CMTM4: variants seen among roughly 807,000 people sequenced by gnomAD.
The protein encoded by CMTM4 is CKLF-like MARVEL transmembrane domain-containing protein 4.
Under a neutral mutation model 19.0 loss-of-function variants are expected in CMTM4, and 8 were observed. The ratio of observed to expected loss-of-function variants is 0.42; its 90% confidence interval spans 0.25 to 0.76. The LOEUF is 0.76. CMTM4 is among the 30% of genes least tolerant of loss of function. The pLI, the probability that CMTM4 is intolerant of heterozygous loss-of-function variation, is 0.27. For synonymous variants in CMTM4, 106 were observed against 121.1 expected, an observed-to-expected ratio of 0.88 and a Z score of 0.82; for missense variants, 228 against 290.2, an observed-to-expected ratio of 0.79 and a Z score of 1.56.
Position 66,687,138 on chromosome 16 carries a change from C to CTT in CMTM4, c.186+9200_186+9201dup, listed in dbSNP as rs35098269. Among the ~76,000 whole-genome samples, 615 of 131,286 alleles carry CTT rather than the reference C, an allele frequency of 4.7e-3. 4 individuals are homozygous for CTT. The highest frequency in any genetic ancestry group is 0.014 in the African/African-American group (497 of 34,680). 86.1% of individuals were successfully genotyped at this position (131,286 alleles called of 152,430 possible). ...TAAGCACCCACTATTGTGCAGAATG[C>CTT]TTTTTTTTTTTTTTTTTTTACAGAA... On this transcript the variant is annotated intron_variant, in intron 1 of 3. Transcript: ENST00000394106.
rs1163528443 is a variant in CMTM4, at chr16:66,696,593, G to GGCCGCCGCATCGCC, written c.-82_-69dup. On this transcript the variant is annotated 5_prime_UTR_variant, in exon 1 of 4. The change creates a new upstream start codon in the 5' untranslated region. Coordinates refer to ENST00000394106, the MANE Select transcript of CMTM4 (RefSeq NM_181521.3). The surrounding 1 kb of genome is among the most constrained non-coding windows in gnomAD (Gnocchi z 4.3). ...CGCCAGGAGCGGGCGGACTCAGCGG[G>GGCCGCCGCATCGCC]GCCGCCGCATCGCCGCCGCCGCCGC... The GGCCGCCGCATCGCC allele has an allele frequency of 1.0e-6, 1 of 996,028 alleles. No individual in the cohort carries two copies. Among genetic ancestry groups the GGCCGCCGCATCGCC allele is most frequent in the Non-Finnish European group, 1.2e-6 (1 of 823,644 alleles). 61.7% of individuals were successfully genotyped at this position (996,028 alleles called of 1,614,324 possible).
chr16:66,629,574 G>A (rs1290915454), intron 2 of CMTM4, among the ~76,000 whole-genome samples: 1 of 152,146 alleles, frequency 6.6e-6, no homozygotes, highest in African/African-American at 2.4e-5. Context: ...AGCATCTTTT[G>A]TTATTCATAA....
intron 1 of CMTM4, among the ~76,000 whole-genome samples, chr16:66,651,173 T>C (rs2016303174): frequency 6.6e-6 from 1 of 152,118 alleles, no homozygotes; most frequent in Non-Finnish European, 1.5e-5. Flanking sequence ...CCAGCTCCTC[T>C]CTTAGCAACC....
rs995039506 is a variant in CMTM4 at position 66,621,841 on chromosome 16, G to A, written c.*217C>T. On this transcript the variant is annotated 3_prime_UTR_variant, in exon 4 of 4. Coordinates refer to ENST00000394106, the MANE Select transcript of CMTM4 (RefSeq NM_181521.3). ...TCAAGTGGACCTGGGCAGTGACGCCGGCTGCTCCACAGCCCCAAACGCTGA... is the reference window on the plus strand; with the variant it reads ...TCAAGTGGACCTGGGCAGTGACGCCAGCTGCTCCACAGCCCCAAACGCTGA... 2.2e-4 allele frequency: 304 copies of A among 1,389,240 alleles called. 3 individuals carry two copies. The East Asian group carries it at 6.4e-3, about 29-fold the overall frequency. The allele number at this position is 1,389,240 out of a possible 1,614,324, so 86.1% of individuals were successfully genotyped here.
At chr16:66,642,321 AC>A (rs1206067349) in intron 1 of CMTM4, among the ~76,000 whole-genome samples, 1 of 152,226 alleles carries the variant, frequency 6.6e-6, no homozygotes, top group African/African-American at 2.4e-5. Flanking sequence ...ATAAGAAAAA[AC>A]TTTTTTGTTT....
intron 1 of CMTM4, among the ~76,000 whole-genome samples, chr16:66,647,795 C>T (rs1188957517): frequency 6.6e-6 from 1 of 151,294 alleles, no homozygotes; most frequent in African/African-American, 2.4e-5. Context: ...CTCAGCCTCC[C>T]GAGTAGCTGG....
At chr16:66,675,401 A>T (rs866146058) in intron 1 of CMTM4, among the ~76,000 whole-genome samples, 1 of 149,354 alleles carries the variant, frequency 6.7e-6, no homozygotes, top group African/African-American at 2.5e-5. Flanking sequence ...TTTAACAAAA[A>T]TTTTTTCCTT....
Position 66,616,266 on chromosome 16 carries a change from T to C in CMTM4, c.*5792A>G, listed in dbSNP as rs771620428. On this transcript the variant is annotated 3_prime_UTR_variant, in exon 4 of 4. Transcript: ENST00000394106. ...TGAAGTGATTATTTGCCTTAAAATA[T>C]ACAAAGAATTGCCTACTTTGAAAAA... The C allele has an allele frequency of 6.6e-6, 1 of 152,206 alleles. No individual in the cohort carries two copies. The highest frequency in any genetic ancestry group is 1.5e-5 in the Non-Finnish European group (1 of 68,026). The allele number at this position is 152,206 out of a possible 1,614,324, so 9.4% of individuals were successfully genotyped here. A position where few individuals can be genotyped will look rare whatever the true frequency, so the allele number is the denominator to read the frequency against.
intron 1 of CMTM4, among the ~76,000 whole-genome samples, chr16:66,637,425 T>C (rs2016015395): frequency 6.6e-6 from 1 of 151,974 alleles, no homozygotes; most frequent in Admixed American, 6.6e-5. Context: ...ATGCTTGTAA[T>C]CCCAGCTACT....
intron 1 of CMTM4, among the ~76,000 whole-genome samples, chr16:66,688,780 A>C (rs2017082942): frequency 6.6e-6 from 1 of 152,172 alleles, no homozygotes; most frequent in Non-Finnish European, 1.5e-5. Flanking sequence ...TGAACACAGA[A>C]TGCCTGTCTA....
At position 66,636,429 on chromosome 16, in the gene CMTM4, G is replaced by C; in HGVS notation, c.339C>G (p.Ile113Met). ...IMFSLNLHMR[I>M]PQINWNLTDL... ...CTGTCAGATTCCAGTTGATCTGGGG[G>C]ATCCTCATGTGCAGGTTGAGACTGA... Residue 113 changes from isoleucine (I) to methionine (M), a missense_variant, in exon 2 of 4, where the codon ATC becomes ATG. Ile to Met is a conservative substitution (Grantham distance 10, BLOSUM62 1). Around this residue, in one of 3 missense-constraint regions of CMTM4, gnomAD observed 200 missense variants for 226.6 expected, o/e 0.88. Transcript: ENST00000394106. The C allele has an allele frequency of 6.2e-7, 1 of 1,614,100 alleles. No individual in the cohort carries two copies.
chr16:66,622,739 C>T lies in CMTM4; in HGVS notation c.463-517G>A, dbSNP rs1325012071. Among the ~76,000 whole-genome samples the T allele has an allele frequency of 6.6e-6, 1 of 152,228 alleles. No individual in the cohort carries two copies. The highest frequency in any genetic ancestry group is 1.5e-5 in the Non-Finnish European group (1 of 68,038). On this transcript the variant is annotated intron_variant, in intron 3 of 3. Transcript: ENST00000394106. The surrounding 1 kb of genome is among the most constrained non-coding windows in gnomAD (Gnocchi z 4.0). ...GTTCCACATCACAGCCCCCATCCCA[C>T]ACCTGCCTCTCATGGGGCAGCTCCA...
At chr16:66,668,290 TGAA>T (rs1248036756) in intron 1 of CMTM4, among the ~76,000 whole-genome samples, 5 of 152,042 alleles carry the variant, frequency 3.3e-5, no homozygotes, top group African/African-American at 9.7e-5. Flanking sequence ...ATTACAGGCA[TGAA>T]CCACCATGCC....
At chr16:66,609,712 T>A in the CMTM4 span, 1 of 1,552,004 alleles carries the variant, frequency 6.4e-7, no homozygotes, top group Non-Finnish European at 8.7e-7. This position sits in a 1 kb window ranked among gnomAD's most constrained non-coding sequence, Gnocchi z 4.4. Context: ...AAAGGCTGTT[T>A]GTCAAACCAA....
chr16:66,634,362 C>T (rs2015947891), intron 2 of CMTM4, among the ~76,000 whole-genome samples: 1 of 151,830 alleles, frequency 6.6e-6, no homozygotes, highest in African/African-American at 2.4e-5. Flanking sequence ...ATCGCTTGAA[C>T]CCGGGAGGCG....
chr16:66,663,210 C>T (rs541653309), intron 1 of CMTM4, among the ~76,000 whole-genome samples: 54 of 152,198 alleles, frequency 3.5e-4, no homozygotes, highest in African/African-American at 1.2e-3. Flanking sequence ...CAAATGTCCA[C>T]GATATAATTC....
At chr16:66,605,080 G>A in the CMTM4 span, 4 of 895,148 alleles carry the variant, frequency 4.5e-6, 1 homozygote, top group East Asian at 7.0e-5. This position sits in a 1 kb window ranked among gnomAD's most constrained non-coding sequence, Gnocchi z 4.6. Flanking sequence ...GCGCCGCCTC[G>A]GCCGACTTCT....
At chr16:66,672,099 T>C (rs777095428) in intron 1 of CMTM4, among the ~76,000 whole-genome samples, 3 of 152,030 alleles carry the variant, frequency 2.0e-5, no homozygotes, top group Admixed American at 1.3e-4. Flanking sequence ...GCAAAAGTAA[T>C]TGTAGTTTTT....
chr16:66,609,675 T>C, the CMTM4 span: 3 of 1,537,014 alleles, frequency 2.0e-6, no homozygotes, highest in Non-Finnish European at 2.6e-6. The surrounding 1 kb of genome is among the most constrained non-coding windows in gnomAD (Gnocchi z 4.4). Flanking sequence ...GTCCTCTCAT[T>C]AAAGACTGAC....
Sources: gnomAD v4.1 joint callset for allele counts (sites outside exome capture counted in the v4.1 genomes callset) on GRCh38, gnomAD v4.1.1 for gene constraint, gnomAD v4.1.1 regional missense constraint, Gnocchi (gnomAD v3.1) non-coding constraint, MANE v1.5 for transcripts, NCBI Gene and HGNC (gene_info 2026-07-23, HGNC 2026-07-21) for gene names.